NRIP3: variants seen among roughly 807,000 people sequenced by gnomAD.
NRIP3 encodes nuclear receptor-interacting protein 3.
Under a neutral mutation model 29.0 loss-of-function variants are expected in NRIP3, and 31 were observed. The observed-to-expected ratio is 1.07, with a 90% CI of 0.80 to 1.44. The LOEUF (loss-of-function observed/expected upper bound fraction) is 1.44, where lower values mean the gene tolerates loss of function less well. Ranked by LOEUF, NRIP3 falls within the 40% of genes most tolerant of loss-of-function variation. The probability of loss-of-function intolerance (pLI) is 0.00; values close to 1 mark genes in which losing one functional copy is unlikely to be tolerated. For missense variants in NRIP3, 314 were observed against 297.9 expected, an observed-to-expected ratio of 1.05 and a Z score of -0.40; for synonymous variants, 131 against 118.3, an observed-to-expected ratio of 1.11 and a Z score of -0.70.
chr11:8,994,513 T>G (rs1220870389), intron 1 of NRIP3, among the ~76,000 whole-genome samples: 1 of 152,204 alleles, frequency 6.6e-6, no homozygotes, highest in African/African-American at 2.4e-5. Flanking sequence ...TAATGCCAGG[T>G]TATCTTATAA....
chr11:8,984,098 C>G lies in NRIP3; in HGVS notation c.589G>C (p.Gly197Arg). 6.2e-7 allele frequency: 1 copy of G among 1,612,676 alleles called. No individual in the cohort carries two copies. Among genetic ancestry groups the G allele is most frequent in the Non-Finnish European group, 8.5e-7 (1 of 1,178,840 alleles). ...TTCAGAGATCGGAGAGTCTGTAGAC[C>G]AAGGGACAAGTTTTTCTCATTGTCA... is the stretch of plus-strand genomic sequence containing the variant. ...VDDNEKNLSL[G>R]LQTLRSLKCI... The change falls in exon 5 of 7, where the codon GGT becomes CGT. Residue 197 changes from glycine to arginine, a missense_variant. By Grantham distance (125) the Gly-to-Arg change is moderately radical. Transcript: ENST00000309166.
intron 2 of NRIP3, 122 bp from the exon 3 acceptor site, chr11:8,987,752 G>A: frequency 1.3e-6 from 1 of 772,728 alleles, no homozygotes; most frequent in Non-Finnish European, 2.3e-6. Flanking sequence ...CCAATTATGG[G>A]TTATAGTGTC....
At chr11:9,004,197 G>C (rs554337414), upstream of NRIP3, 15 of 327,120 alleles carry the variant, frequency 4.6e-5, no homozygotes, top group South Asian at 2.1e-3. Context: ...GGTGGGGACT[G>C]ACCCGGCAGT....
rs557949303 is a variant in NRIP3 at position 8,985,126 on chromosome 11, C to T, written c.562+585G>A. On this transcript the variant is annotated intron_variant, in intron 4 of 6. Transcript: ENST00000309166. ...TTGGCCCCCCAAAGTGCTGGGATTA[C>T]AGGCGTGAGCCACTGCGCCCGGCCT... is the stretch of plus-strand genomic sequence containing the variant. Among the ~76,000 whole-genome samples, 11 of 150,274 alleles carry T rather than the reference C, an allele frequency of 7.3e-5. No homozygotes were observed. The South Asian group carries it at 2.1e-3, about 29-fold the overall frequency.
At chr11:9,004,076 G>T (rs1267277626), upstream of NRIP3, 5 of 750,402 alleles carry the variant, frequency 6.7e-6, no homozygotes, top group Non-Finnish European at 9.6e-6. Flanking sequence ...GCGCGCGGGG[G>T]GCGGGGCCGG....
intron 1 of NRIP3, among the ~76,000 whole-genome samples, chr11:9,001,534 G>A (rs1854797374): frequency 6.6e-6 from 1 of 151,922 alleles, no homozygotes; most frequent in Admixed American, 6.6e-5. Flanking sequence ...TCCTTCTATC[G>A]AGATTATACT....
At chr11:8,996,074 TCTCA>T (rs1465494132) in intron 1 of NRIP3, among the ~76,000 whole-genome samples, 2 of 152,200 alleles carry the variant, frequency 1.3e-5, no homozygotes, top group Non-Finnish European at 1.5e-5. Flanking sequence ...TACTAACAAA[TCTCA>T]CTATTTCTTT....
At chr11:8,985,940 T>C (rs1854515318) in intron 3 of NRIP3, 90 bp from the exon 4 acceptor site, 1 of 1,422,866 alleles carries the variant, frequency 7.0e-7, no homozygotes, top group African/African-American at 1.4e-5. Context: ...CAATTGGAAT[T>C]CTCCAGGGAT....
At chr11:8,993,629 T>G (rs781723041) in intron 1 of NRIP3, among the ~76,000 whole-genome samples, 12 of 151,806 alleles carry the variant, frequency 7.9e-5, no homozygotes, top group African/African-American at 1.5e-4. Flanking sequence ...GGCAACATGG[T>G]GAAATTCTGC....
chr11:8,993,516 T>C (rs1349222603), intron 1 of NRIP3, among the ~76,000 whole-genome samples: 1 of 152,058 alleles, frequency 6.6e-6, no homozygotes, highest in Admixed American at 6.6e-5. Context: ...TCCATTATAA[T>C]AGAAAATCAG....
intron 1 of NRIP3, among the ~76,000 whole-genome samples, chr11:8,989,289 T>G (rs531125878): frequency 2.3e-4 from 35 of 152,226 alleles, no homozygotes; most frequent in Non-Finnish European, 4.1e-4. Context: ...CACAAATATC[T>G]TATGTCCCGG....
intron 4 of NRIP3, among the ~76,000 whole-genome samples, chr11:8,985,481 T>TA (rs1854505361): frequency 2.0e-5 from 2 of 100,354 alleles, no homozygotes; most frequent in Admixed American, 9.9e-5. Flanking sequence ...ATTTTTTTTT[T>TA]ATCTGACCAC....
At chr11:9,002,596 T>TA (rs10701323) in intron 1 of NRIP3, among the ~76,000 whole-genome samples, 50,385 of 101,218 alleles carry the variant, frequency 0.5, 12,631 homozygotes, top group East Asian at 0.68. Flanking sequence ...GCTGTTAAAT[T>TA]AAAAAAAAAA....
At position 8,988,227 on chromosome 11, in the gene NRIP3, C is replaced by T. The variant is rs760084276; in HGVS notation, c.230G>A (p.Arg77Gln). The change falls in exon 2 of 7, where the codon CGA (arginine) becomes CAA (glutamine). Residue 77 changes from arginine to glutamine, a missense_variant. Physicochemically the swap from Arg to Gln is conservative, Grantham distance 43 (BLOSUM62 1). Transcript: ENST00000309166. ...RLMETNLSKL[R>Q]SGPRVPWASK... is the part of the protein sequence containing the mutation. ...GGCCCAAGGGACACGGGGACCGCTT[C>T]GGAGCTTAGACAGGTTGGTTTCCAT... 2.7e-5 allele frequency: 43 copies of T among 1,614,000 alleles called. No homozygotes were observed. The highest frequency in any genetic ancestry group is 5.3e-5 in the African/African-American group (4 of 74,920).
intron 1 of NRIP3, among the ~76,000 whole-genome samples, chr11:8,994,779 T>C (rs529750382): frequency 7.1e-4 from 108 of 152,356 alleles, no homozygotes; most frequent in Admixed American, 2.0e-3. Context: ...CCTTTGCCTA[T>C]GTTCATTTCT....
intron 4 of NRIP3, among the ~76,000 whole-genome samples, chr11:8,984,444 G>A (rs946260844): frequency 6.6e-6 from 1 of 152,096 alleles, no homozygotes; most frequent in African/African-American, 2.4e-5. Context: ...TGTATTTTTA[G>A]TAGAGACAGG....
At chr11:8,984,245 T>C (rs1854472166) in intron 4 of NRIP3, 121 bp from the exon 5 acceptor site, 2 of 668,456 alleles carry the variant, frequency 3.0e-6, no homozygotes, top group South Asian at 1.8e-5. Flanking sequence ...ATATTGAGCA[T>C]GTGTTATTTT....
chr11:9,003,661 G>T, intron 1 of NRIP3, 101 bp downstream of exon 1: 3 of 1,171,844 alleles, frequency 2.6e-6, no homozygotes, highest in Non-Finnish European at 2.2e-6. Flanking sequence ...GGGCAGCGGC[G>T]GGCCGGGCCG....
intron 1 of NRIP3, among the ~76,000 whole-genome samples, chr11:9,003,448 G>T (rs1854846113): frequency 6.6e-6 from 1 of 152,200 alleles, no homozygotes; most frequent in Non-Finnish European, 1.5e-5. Flanking sequence ...ACAAAATTCG[G>T]TATTAAGAAT....
Sources: allele counts gnomAD v4.1 joint callset (sites outside exome capture counted in the v4.1 genomes callset), GRCh38; gene constraint gnomAD v4.1.1; transcripts MANE v1.5; gene names NCBI Gene and HGNC (gene_info 2026-07-23, HGNC 2026-07-21).